STK38L: variants seen among roughly 807,000 people sequenced by gnomAD.
STK38L encodes serine/threonine-protein kinase 38-like.
A neutral mutation model predicts 59.7 loss-of-function variants in STK38L; 28 were observed. The ratio of observed to expected loss-of-function variants is 0.47; its 90% CI spans 0.35 to 0.64. The LOEUF (loss-of-function observed/expected upper bound fraction) is 0.64. Among genes scored for constraint, STK38L ranks in the 30% least tolerant of loss-of-function variants. STK38L has a pLI of 0.01. For missense variants in STK38L, 314 were observed against 555.8 expected, an observed-to-expected ratio of 0.56 and a Z score of 4.37; for synonymous variants, 162 against 176.8, an observed-to-expected ratio of 0.92 and a Z score of 0.66.
intron 2 of STK38L, 141 bp downstream of exon 2, chr12:27,297,995 A>C (rs1944068118): frequency 2.0e-6 from 2 of 1,011,752 alleles, no homozygotes. Flanking sequence ...CTGACAGTGC[A>C]CATAGACATG....
chr12:27,285,011 A>G (rs1352451525), intron 1 of STK38L, among the ~76,000 whole-genome samples: 1 of 152,212 alleles, frequency 6.6e-6, no homozygotes, highest in East Asian at 1.9e-4. Context: ...TGATGGTCAA[A>G]AAAGTCTCTT....
chr12:27,272,289 C>T (rs1406745453), intron 1 of STK38L, among the ~76,000 whole-genome samples: 1 of 152,150 alleles, frequency 6.6e-6, no homozygotes, highest in East Asian at 1.9e-4. Flanking sequence ...GTAGAATTAG[C>T]ACAGCGTTGG....
intron 1 of STK38L, among the ~76,000 whole-genome samples, chr12:27,258,818 C>T (rs1390132041): frequency 2.6e-5 from 4 of 152,082 alleles, no homozygotes; most frequent in Admixed American, 2.6e-4. Flanking sequence ...CTGGTCATAC[C>T]TACATTTTGA....
At chr12:27,245,250 C>T (rs749778465) in intron 1 of STK38L, among the ~76,000 whole-genome samples, 6 of 152,102 alleles carry the variant, frequency 3.9e-5, no homozygotes, top group Non-Finnish European at 1.5e-5. Context: ...TGATAAAATG[C>T]AGAACCAACA....
chr12:27,289,331 A>G (rs1943846252), intron 1 of STK38L, among the ~76,000 whole-genome samples: 1 of 151,844 alleles, frequency 6.6e-6, no homozygotes, highest in Non-Finnish European at 1.5e-5. Context: ...GTTTATAAAC[A>G]CTTTCCCCTT....
chr12:27,269,809 ATT>A (rs1243675415), intron 1 of STK38L, among the ~76,000 whole-genome samples: 1 of 151,930 alleles, frequency 6.6e-6, no homozygotes, highest in Non-Finnish European at 1.5e-5. Context: ...TGCCCGGCTG[ATT>A]TTTGTATTTT....
intron 1 of STK38L, among the ~76,000 whole-genome samples, chr12:27,266,622 T>C (rs1436424926): frequency 1.3e-5 from 2 of 152,340 alleles, no homozygotes; most frequent in Middle Eastern, 6.8e-3. Context: ...TATTTAGTTA[T>C]GGGGTTTGAT....
intron 1 of STK38L, chr12:27,293,660 ACAGT>A (rs576678062): frequency 5.7e-4 from 87 of 152,416 alleles, no homozygotes; most frequent in African/African-American, 2.0e-3. Context: ...CCCTTGGCAG[ACAGT>A]CAGCTCCCTC....
At chr12:27,250,799 G>A (rs904175987) in intron 1 of STK38L, among the ~76,000 whole-genome samples, 2 of 151,938 alleles carry the variant, frequency 1.3e-5, no homozygotes, top group African/African-American at 4.8e-5. Flanking sequence ...AGGAGATTGA[G>A]ACCATCCTGG....
chr12:27,313,172 C>T (rs961248693), intron 6 of STK38L, among the ~76,000 whole-genome samples: 3 of 150,008 alleles, frequency 2.0e-5, no homozygotes, highest in African/African-American at 4.9e-5. Flanking sequence ...GGTGTGAACC[C>T]GGGAGGCGGA....
At chr12:27,245,321 G>A (rs552767481) in intron 1 of STK38L, among the ~76,000 whole-genome samples, 1 of 152,218 alleles carries the variant, frequency 6.6e-6, no homozygotes, top group East Asian at 1.9e-4. Context: ...ATCGGAAATG[G>A]CCTATTAGCT....
At chr12:27,316,593 C>G (rs1255733789) in intron 9 of STK38L, among the ~76,000 whole-genome samples, 4 of 152,174 alleles carry the variant, frequency 2.6e-5, no homozygotes, top group Admixed American at 1.3e-4. Flanking sequence ...ACTGAGATGA[C>G]AAAATCTGTG....
In STK38L at chr12:27,285,541, C is replaced by G. The variant is rs193055986; in HGVS notation, c.-11-12169C>G. Among the ~76,000 whole-genome samples, 33 of 152,218 alleles carry G rather than the reference C, an allele frequency of 2.2e-4. No individual in the cohort carries two copies. The East Asian group carries it at 5.2e-3, about 24-fold the overall frequency. ...TGAAAAGCAAGTGTTCAAAGCTGCC[C>G]AAGCTTTGTATAGGTTTATGTGTTC... On this transcript the variant is annotated intron_variant, in intron 1 of 13. Coordinates refer to ENST00000389032, the MANE Select transcript of STK38L (RefSeq NM_015000.4).
intron 1 of STK38L, among the ~76,000 whole-genome samples, chr12:27,274,255 T>C (rs921614620): frequency 2.0e-4 from 30 of 149,094 alleles, no homozygotes; most frequent in Non-Finnish European, 4.0e-4. Context: ...AAAATTGCCC[T>C]TTTTGGAGCT....
intron 12 of STK38L, among the ~76,000 whole-genome samples, 192 bp from the exon 13 acceptor site, chr12:27,321,951 A>G (rs1315470726): frequency 6.6e-6 from 1 of 152,234 alleles, no homozygotes; most frequent in Non-Finnish European, 1.5e-5. Context: ...AATTCTAAGT[A>G]AATGAAAACA....
chr12:27,297,802 T>C lies in STK38L; in HGVS notation c.82T>C (p.Leu28=), dbSNP rs1375380237. Residue 28 remains leucine, a synonymous_variant, in exon 2 of 14, where the codon TTG becomes CTG. Coordinates refer to ENST00000389032, the MANE Select transcript of STK38L (RefSeq NM_015000.4). ...RERVTVAKLT[L]ENFYSNLILQ... ...AAGAGTGACTGTAGCCAAGCTCACA[T>C]TGGAGAATTTTTATAGCAACCTAAT... 5.6e-6 allele frequency: 9 copies of C among 1,614,112 alleles called. No individual in the cohort carries two copies. The highest frequency in any genetic ancestry group is 7.6e-6 in the Non-Finnish European group (9 of 1,180,010).
intron 1 of STK38L, among the ~76,000 whole-genome samples, chr12:27,290,947 T>C (rs1461919247): frequency 1.3e-5 from 2 of 152,216 alleles, no homozygotes; most frequent in Admixed American, 6.5e-5. Flanking sequence ...TATTCATTAT[T>C]AAGCCTCCTG....
rs1241822195 is a variant in STK38L, at chr12:27,319,263, G to GT, written c.1080-64dup. ...TTTCTTTAAAAAAGAAATATTTGAA[G>GT]TAATGCAGCTAGAATACTTTAGATG... is the stretch of plus-strand genomic sequence containing the variant. On this transcript the variant is annotated intron_variant, in intron 11 of 13. Coordinates refer to ENST00000389032, the MANE Select transcript of STK38L (RefSeq NM_015000.4). 8.4e-6 allele frequency: 8 copies of GT among 949,304 alleles called. No individual in the cohort carries two copies. The African/African-American group carries it at 1.3e-4, about 16-fold the overall frequency. The allele number at this position is 949,304 out of a possible 1,614,324, so 58.8% of individuals were successfully genotyped here. A position where few individuals can be genotyped will look rare whatever the true frequency, so the allele number is the denominator to read the frequency against.
intron 1 of STK38L, among the ~76,000 whole-genome samples, chr12:27,285,430 G>A (rs1174123928): frequency 6.6e-6 from 1 of 152,084 alleles, no homozygotes; most frequent in Non-Finnish European, 1.5e-5. Context: ...TATTTTTCAA[G>A]TTTTGTTGTG....
Sources: gnomAD v4.1 joint callset for allele counts (sites outside exome capture counted in the v4.1 genomes callset) on GRCh38, gnomAD v4.1.1 for gene constraint, MANE v1.5 for transcripts, NCBI Gene and HGNC (gene_info 2026-07-23, HGNC 2026-07-21) for gene names.